COL4A6: variants seen among roughly 807,000 people sequenced by gnomAD.
COL4A6 encodes collagen alpha-6(IV) chain.
COL4A6 carries 59 observed loss-of-function variants against 126.7 expected under a neutral mutation model. The observed-to-expected ratio is 0.47, with a 90% CI of 0.38 to 0.58. The LOEUF is 0.58. COL4A6 is among the 20% of genes least tolerant of loss of function. The probability of loss-of-function intolerance (pLI) is 0.00; values close to 1 mark genes in which losing one functional copy is unlikely to be tolerated. For synonymous variants in COL4A6, 547 were observed against 496.6 expected (o/e 1.10, Z -1.35); for missense variants, 1,285 against 1,337.3 (o/e 0.96, Z 0.61).
chrX:108,383,453 A>G (rs779746482), intron 2 of COL4A6: 3 of 485,914 alleles, frequency 6.2e-6, no homozygotes, highest in Non-Finnish European at 1.1e-5. Flanking sequence ...GCCTCCTACA[A>G]TGAGTTTTGG....
chrX:108,165,011 C>T lies in COL4A6; in HGVS notation c.3836G>A (p.Gly1279Asp). The change falls in exon 39 of 45, where the codon GGT (glycine) becomes GAT (aspartate). Residue 1279 changes from glycine to aspartate, a missense_variant. By Grantham distance (94) the Gly-to-Asp change is moderately conservative. Coordinates refer to ENST00000334504, the MANE Select transcript of COL4A6 (RefSeq NM_033641.4). ...TTGATTCGAGGATGGCCCAGGGGGACCTGGGGGTCCAGCGGGGCCTGGGCG... is the reference window on the plus strand; with the variant it reads ...TTGATTCGAGGATGGCCCAGGGGGATCTGGGGGTCCAGCGGGGCCTGGGCG... ...RGRPGPAGPP[G>D]PPGPSSNQGD... is the part of the protein sequence containing the mutation. 8.3e-7 allele frequency: 1 copy of T among 1,208,032 alleles called. No individual in the cohort carries two copies. Among genetic ancestry groups the T allele is most frequent in the South Asian group, 1.8e-5 (1 of 56,733 alleles).
intron 2 of COL4A6, among the ~76,000 whole-genome samples, chrX:108,329,288 C>T (rs943072801): frequency 5.4e-5 from 6 of 111,708 alleles, no homozygotes; most frequent in African/African-American, 1.9e-4. Context: ...AGGATTTGAT[C>T]ATTACACAAT....
chrX:108,160,516 C>T lies in COL4A6; in HGVS notation c.4472G>A (p.Gly1491Glu). 1 of 1,210,543 alleles carries T rather than the reference C, an allele frequency of 8.3e-7. No individual in the cohort carries two copies. The highest frequency in any genetic ancestry group is 1.1e-6 in the Non-Finnish European group (1 of 894,897). ...CCCCTCCACAAACAGTAAGCTGTAC[C>T]CCACCCACAGCTGGCTCATCCCGAT... ...CPIGMSQLWV[G>E]YSLLFVEGQE... is the part of the protein sequence containing the mutation. The change falls in exon 43 of 45, where the codon GGG becomes GAG. Residue 1491 changes from glycine to glutamate, a missense_variant. Gly to Glu is a moderately conservative substitution (Grantham distance 98, BLOSUM62 -2). Transcript: ENST00000334504.
intron 3 of COL4A6, among the ~76,000 whole-genome samples, chrX:108,282,110 C>G (rs1901007994): frequency 1.8e-5 from 2 of 110,067 alleles, no homozygotes; most frequent in African/African-American, 6.6e-5. Flanking sequence ...TCTAAAACAC[C>G]AAAAGCAATG....
intron 2 of COL4A6, among the ~76,000 whole-genome samples, chrX:108,339,095 G>T (rs1297224659): frequency 8.9e-6 from 1 of 112,100 alleles, no homozygotes; most frequent in Non-Finnish European, 1.9e-5. Flanking sequence ...GACTCTGAAA[G>T]TTAGTGGGGT....
At position 108,159,632 on chromosome X, in the gene COL4A6, C is replaced by A; in HGVS notation, c.4642G>T (p.Ala1548Ser). The part of the protein sequence containing the change: ...NDKSYWLSTT[A>S]PIPMMPVSQT... Reference sequence around the variant, plus strand: ...CTGACGGGCATCATGGGGATAGGGGCGGTAGTGGAGAGCCAGTAAGATTTA... The same window carrying A: ...CTGACGGGCATCATGGGGATAGGGGAGGTAGTGGAGAGCCAGTAAGATTTA... Residue 1548 changes from alanine to serine, a missense_variant, in exon 44 of 45, where the codon GCC (alanine) becomes TCC (serine). Physicochemically the swap from Ala to Ser is moderately conservative, Grantham distance 99. Coordinates refer to ENST00000334504, the MANE Select transcript of COL4A6 (RefSeq NM_033641.4). 1.7e-6 allele frequency: 2 copies of A among 1,211,727 alleles called. No individual in the cohort carries two copies. The highest frequency in any genetic ancestry group is 1.1e-6 in the Non-Finnish European group (1 of 895,494).
intron 3 of COL4A6, among the ~76,000 whole-genome samples, chrX:108,287,584 G>A (rs1417740332): frequency 1.8e-5 from 2 of 111,471 alleles, no homozygotes; most frequent in Non-Finnish European, 3.8e-5. Context: ...TCTGGCTGGT[G>A]GGGCAGGCAC....
intron 2 of COL4A6, among the ~76,000 whole-genome samples, chrX:108,358,585 G>C (rs893217538): frequency 9.1e-6 from 1 of 110,242 alleles, no homozygotes; most frequent in African/African-American, 3.3e-5. Flanking sequence ...ATTAGAGATG[G>C]GGTTTCTTCA....
Position 108,162,455 on chromosome X carries a change from A to AAAG in COL4A6, c.4216+434_4216+436dup, listed in dbSNP as rs201067756. On this transcript the variant is annotated intron_variant, in intron 41 of 44. Coordinates refer to ENST00000334504, the MANE Select transcript of COL4A6 (RefSeq NM_033641.4). ...AGGAGGAAGAGGAAGACGAAGAAGA[A>AAAG]AAGAAGAAGAAGAAGAAGAAGAGGA... Among the ~76,000 whole-genome samples, 191 of 108,124 alleles carry AAAG rather than the reference A, an allele frequency of 1.8e-3. 1 individual carries two copies. Among genetic ancestry groups the AAAG allele is most frequent in the Non-Finnish European group, 2.9e-3 (152 of 51,901 alleles). 93.9% of individuals were successfully genotyped at this position (108,124 alleles called of 115,157 possible). A position where few individuals can be genotyped will look rare whatever the true frequency, so the allele number is the denominator to read the frequency against.
In COL4A6 at chrX:108,196,527, C is replaced by T; in HGVS notation, c.887G>A (p.Gly296Asp). Residue 296 changes from glycine to aspartate, a missense_variant, in exon 14 of 45, where the codon GGT becomes GAT. Transcript: ENST00000334504. ...GGTTCATACCCTAGGTCCTGGCAAA[C>T]CAGGGATTCCCTTTTCTCCCTTTTC... ...KGEKGEKGIP[G>D]LPGPRGPMGS... 1 of 1,209,648 alleles carries T rather than the reference C, an allele frequency of 8.3e-7. No homozygotes were observed. Among genetic ancestry groups the T allele is most frequent in the Non-Finnish European group, 1.1e-6 (1 of 894,228 alleles).
At chrX:108,421,113 T>A (rs1346527110) in intron 2 of COL4A6, among the ~76,000 whole-genome samples, 1 of 112,297 alleles carries the variant, frequency 8.9e-6, no homozygotes, top group African/African-American at 3.2e-5. Context: ...AGGCTGCTAG[T>A]AAGCTAATGA....
At chrX:108,439,268 G>A, upstream of COL4A6, 1 of 379,868 alleles carries the variant, frequency 2.6e-6, no homozygotes, top group East Asian at 5.0e-5. Flanking sequence ...TAATACCATA[G>A]AATAATTACC....
intron 18 of COL4A6, among the ~76,000 whole-genome samples, 153 bp downstream of exon 18, chrX:108,192,320 T>C (rs1234680912): frequency 8.9e-6 from 1 of 112,492 alleles, no homozygotes; most frequent in Non-Finnish European, 1.9e-5. Context: ...TACGTTAGCC[T>C]TGGGCTGGCA....
At chrX:108,279,206 T>C (rs2037719685) in intron 3 of COL4A6, among the ~76,000 whole-genome samples, 1 of 110,876 alleles carries the variant, frequency 9.0e-6, no homozygotes. Flanking sequence ...GCAAGTTGGA[T>C]AAAGAGCCAA....
intron 41 of COL4A6, among the ~76,000 whole-genome samples, chrX:108,162,366 TAAAA>T (rs1330981504): frequency 1.5e-5 from 1 of 68,812 alleles, no homozygotes; most frequent in Non-Finnish European, 3.0e-5. Context: ...TAAAAAAAAA[TAAAA>T]AGAAGAAGAA....
chrX:108,225,118 A>G (rs1404314796), intron 3 of COL4A6, among the ~76,000 whole-genome samples: 1 of 111,341 alleles, frequency 9.0e-6, no homozygotes, highest in Non-Finnish European at 1.9e-5. Context: ...TAGGAACGGC[A>G]TGGAACTAAA....
At chrX:108,344,474 T>C (rs1424922673) in intron 2 of COL4A6, among the ~76,000 whole-genome samples, 2 of 112,016 alleles carry the variant, frequency 1.8e-5, no homozygotes, top group East Asian at 5.6e-4. Context: ...ACATAAAAGA[T>C]ATGTGCTTAA....
At chrX:108,159,398 C>G in intron 44 of COL4A6, 64 bp downstream of exon 44, 3 of 1,148,150 alleles carry the variant, frequency 2.6e-6, no homozygotes, top group Non-Finnish European at 3.6e-6. Flanking sequence ...GTCCCTTGAG[C>G]CTGGGAACCA....
chrX:108,305,673 T>C (rs976475401), intron 3 of COL4A6, among the ~76,000 whole-genome samples: 3 of 111,586 alleles, frequency 2.7e-5, no homozygotes, highest in Non-Finnish European at 3.8e-5. Flanking sequence ...TGTATTCAAG[T>C]TCAATTTCAG....
Sources: allele counts gnomAD v4.1 joint callset (sites outside exome capture counted in the v4.1 genomes callset), GRCh38; gene constraint gnomAD v4.1.1; transcripts MANE v1.5; gene names NCBI Gene and HGNC (gene_info 2026-07-23, HGNC 2026-07-21).